SYNRG: variants seen among roughly 807,000 people sequenced by gnomAD.
The protein encoded by SYNRG is synergin gamma, also known as AP1 gamma subunit binding protein 1.
Under a neutral mutation model 130.9 loss-of-function variants are expected in SYNRG, and 37 were observed. That is an observed-to-expected ratio of 0.28 (90% confidence interval 0.22 to 0.37). The LOEUF (loss-of-function observed/expected upper bound fraction) is 0.37. Among genes scored for constraint, SYNRG ranks in the 10% least tolerant of loss-of-function variants. SYNRG has a pLI of 1.00. For missense variants in SYNRG, 1,338 were observed against 1,588.9 expected (o/e 0.84, Z 2.68); for synonymous variants, 539 against 568.1 (o/e 0.95, Z 0.73).
At chr17:37,582,868 T>C (rs1441208394) in intron 6 of SYNRG, among the ~76,000 whole-genome samples, 2 of 152,116 alleles carry the variant, frequency 1.3e-5, no homozygotes, top group African/African-American at 2.4e-5. Context: ...AAAAAAGTTA[T>C]ATGATCAATA....
chr17:37,519,682 A>C (rs1192203114), intron 21 of SYNRG, among the ~76,000 whole-genome samples: 1 of 152,228 alleles, frequency 6.6e-6, no homozygotes, highest in African/African-American at 2.4e-5. Context: ...CATTAAACAC[A>C]TAAGAATTAT....
chr17:37,559,176 C>T (rs967163921), intron 13 of SYNRG, among the ~76,000 whole-genome samples: 39 of 152,096 alleles, frequency 2.6e-4, no homozygotes, highest in Non-Finnish European at 4.1e-4. Flanking sequence ...TTTAATTGTA[C>T]GCTCTAGTAT....
chr17:37,557,253 ATTTAC>A (rs1294185929), intron 13 of SYNRG: 1 of 152,182 alleles, frequency 6.6e-6, no homozygotes, highest in Non-Finnish European at 1.5e-5. Context: ...ACATTTCCTC[ATTTAC>A]TTTAATTTAT....
chr17:37,573,684 G>C (rs764374365), intron 8 of SYNRG, among the ~76,000 whole-genome samples: 20 of 152,094 alleles, frequency 1.3e-4, no homozygotes, highest in Non-Finnish European at 2.5e-4. Flanking sequence ...GTCATTATGA[G>C]TAGTATCAGA....
intron 19 of SYNRG, among the ~76,000 whole-genome samples, chr17:37,522,584 C>T (rs2055239414): frequency 1.3e-5 from 2 of 151,922 alleles, no homozygotes; most frequent in Admixed American, 1.3e-4. Flanking sequence ...CCTCCCGCCT[C>T]AGCCTCCTGA....
chr17:37,552,951 G>A (rs540789065), intron 14 of SYNRG, among the ~76,000 whole-genome samples, 164 bp downstream of exon 14: 1 of 152,126 alleles, frequency 6.6e-6, no homozygotes, highest in Non-Finnish European at 1.5e-5. Flanking sequence ...AGTATCCATA[G>A]AATCAAATTT....
intron 19 of SYNRG, among the ~76,000 whole-genome samples, chr17:37,520,990 T>A (rs2143647720): frequency 6.6e-6 from 1 of 151,070 alleles, no homozygotes; most frequent in South Asian, 2.1e-4. Flanking sequence ...TCGAGGAGGA[T>A]GGGGCCTGAA....
At chr17:37,574,949 A>G (rs1474067877) in intron 8 of SYNRG, among the ~76,000 whole-genome samples, 1 of 152,170 alleles carries the variant, frequency 6.6e-6, no homozygotes, top group Non-Finnish European at 1.5e-5. Context: ...CATATACACA[A>G]TGGAGCACAA....
chr17:37,561,863 C>A (rs2059559214), intron 11 of SYNRG, among the ~76,000 whole-genome samples: 1 of 144,730 alleles, frequency 6.9e-6, no homozygotes, highest in Non-Finnish European at 1.5e-5. Flanking sequence ...ACTGTCTAAC[C>A]ATCTCTTTAA....
Position 37,609,317 on chromosome 17 carries a change from C to G in SYNRG, c.39G>C (p.Gly13=). ...LRPGAGSGGG[G]AAGAGAGSAG... is the part of the protein sequence containing the mutation. ...CGGACCCCGCGCCAGCTCCCGCGGCCCCGCCGCCACCAGAACCAGCTCCTG... is the reference window on the plus strand; with the variant it reads ...CGGACCCCGCGCCAGCTCCCGCGGCGCCGCCGCCACCAGAACCAGCTCCTG... Residue 13 remains glycine, a synonymous_variant, in exon 1 of 22, where the codon GGG becomes GGC. Transcript: ENST00000612223. The G allele has an allele frequency of 1.4e-6, 2 of 1,467,980 alleles. No individual in the cohort carries two copies. The highest frequency in any genetic ancestry group is 1.3e-5 in the South Asian group (1 of 76,756). 90.9% of individuals were successfully genotyped at this position (1,467,980 alleles called of 1,614,324 possible).
At chr17:37,546,396 C>T (rs944089766) in intron 14 of SYNRG, among the ~76,000 whole-genome samples, 1 of 152,150 alleles carries the variant, frequency 6.6e-6, no homozygotes, top group African/African-American at 2.4e-5. Context: ...AGATAATATG[C>T]CAAATTGTTG....
At chr17:37,566,734 C>T (rs949378159) in intron 11 of SYNRG, 2 of 152,212 alleles carry the variant, frequency 1.3e-5, no homozygotes, top group African/African-American at 4.8e-5. Context: ...TCAGGTCTGG[C>T]TACCATCTTA....
intron 13 of SYNRG, among the ~76,000 whole-genome samples, chr17:37,555,522 T>G (rs887495207): frequency 6.6e-6 from 1 of 152,164 alleles, no homozygotes; most frequent in African/African-American, 2.4e-5. Flanking sequence ...ATGATCTCAG[T>G]TTTCTAATAG....
At chr17:37,594,041 T>C (rs1312218879) in intron 3 of SYNRG, among the ~76,000 whole-genome samples, 1 of 151,862 alleles carries the variant, frequency 6.6e-6, no homozygotes, top group Non-Finnish European at 1.5e-5. Context: ...ACTCTCATAG[T>C]TTACTTTTTT....
Position 37,609,299 on chromosome 17 carries a change from C to T in SYNRG, c.57G>A (p.Ala19=), listed in dbSNP as rs1164759284. The change falls in exon 1 of 22, where the codon GCG becomes GCA. Residue 19 remains alanine, a synonymous_variant. Transcript: ENST00000612223. ...SGGGGAAGAG[A]GSAGGGGFMF... ...CCTACCCGCCTCCCCCGGCGGACCCCGCGCCAGCTCCCGCGGCCCCGCCGC... is the reference window on the plus strand; with the variant it reads ...CCTACCCGCCTCCCCCGGCGGACCCTGCGCCAGCTCCCGCGGCCCCGCCGC... 2 of 1,461,230 alleles carry T rather than the reference C, an allele frequency of 1.4e-6. No individual in the cohort carries two copies. Among genetic ancestry groups the T allele is most frequent in the East Asian group, 3.0e-5 (1 of 33,506 alleles). 90.5% of individuals were successfully genotyped at this position (1,461,230 alleles called of 1,614,324 possible).
chr17:37,533,469 A>AG, intron 19 of SYNRG, among the ~76,000 whole-genome samples: 1 of 151,858 alleles, frequency 6.6e-6, no homozygotes, highest in Non-Finnish European at 1.5e-5. Context: ...TAAAAAAAAA[A>AG]TGGAACCAGT....
At chr17:37,558,736 T>C (rs1401612413) in intron 13 of SYNRG, among the ~76,000 whole-genome samples, 3 of 152,214 alleles carry the variant, frequency 2.0e-5, no homozygotes, top group Non-Finnish European at 4.4e-5. Flanking sequence ...ACTGGATTAG[T>C]GCGCAGATGA....
In SYNRG at chr17:37,553,549, G is replaced by A; in HGVS notation, c.2174C>T (p.Thr725Ile). 3.1e-6 allele frequency: 5 copies of A among 1,614,172 alleles called. No individual in the cohort carries two copies. The highest frequency in any genetic ancestry group is 4.2e-6 in the Non-Finnish European group (5 of 1,180,036). Residue 725 changes from threonine (T) to isoleucine (I), a missense_variant, in exon 14 of 22, where the codon ACC becomes ATC. By Grantham distance (89) the Thr-to-Ile change is moderately conservative. Around this residue, in one of 3 missense-constraint regions of SYNRG, gnomAD observed 1,146 missense variants for 1,342.3 expected, o/e 0.85. Coordinates refer to ENST00000612223, the MANE Select transcript of SYNRG (RefSeq NM_007247.6). ...CTTCACTGTGCTGCCCACGTTGCTGGTTAGAGGAACAGGACTGGCTTCCTC... is the reference window on the plus strand; with the variant it reads ...CTTCACTGTGCTGCCCACGTTGCTGATTAGAGGAACAGGACTGGCTTCCTC... ...LKEEASPVPL[T>I]SNVGSTVKGG...
At chr17:37,545,446 T>C (rs948912605) in intron 14 of SYNRG, among the ~76,000 whole-genome samples, 35 of 152,122 alleles carry the variant, frequency 2.3e-4, no homozygotes, top group East Asian at 7.7e-4. Flanking sequence ...AATGAAAAGA[T>C]AGCTCCAGTT....
Sources: gnomAD v4.1 joint callset for allele counts (sites outside exome capture counted in the v4.1 genomes callset) on GRCh38, gnomAD v4.1.1 for gene constraint, gnomAD v4.1.1 regional missense constraint, MANE v1.5 for transcripts, NCBI Gene and HGNC (gene_info 2026-07-23, HGNC 2026-07-21) for gene names.